GFPT1: variants seen among roughly 807,000 people sequenced by gnomAD.
The protein encoded by GFPT1 is glutamine--fructose-6-phosphate aminotransferase [isomerizing] 1.
In GFPT1, 40 loss-of-function variants were observed where a neutral mutation model predicts 92.0. The ratio of observed to expected loss-of-function variants is 0.43; its 90% CI spans 0.34 to 0.57. The LOEUF is 0.57. Ranked by LOEUF, GFPT1 falls within the 20% of genes least tolerant of loss-of-function variation. The pLI, the probability that GFPT1 is intolerant of heterozygous loss-of-function variation, is 0.02. For synonymous variants in GFPT1, 269 were observed against 280.6 expected (o/e 0.96, Z 0.41); for missense variants, 448 against 869.1 (o/e 0.52, Z 6.09).
rs1574041801 is a variant in GFPT1 at position 69,329,403 on chromosome 2, C to T, written c.1619G>A (p.Ser540Asn). The change falls in exon 17 of 20, where the codon AGC becomes AAC. Residue 540 changes from serine (S) to asparagine (N), a missense_variant. By Grantham distance (46) the Ser-to-Asn change is conservative. This residue lies in a region of GFPT1 where 73 missense variants were observed against 103.5 expected (regional missense o/e 0.71). Transcript: ENST00000357308. Reference protein sequence around the residue: ...RLPDLIKEVLSMDDEIQKLAT... With the variant: ...RLPDLIKEVLNMDDEIQKLAT... The stretch of plus-strand genomic sequence containing the variant: ...TAGTTTCTGAATTTCGTCATCCATG[C>T]TCAGTACTTCCTTAATCAAATCTAA... The T allele has an allele frequency of 6.2e-7, 1 of 1,608,868 alleles. No homozygotes were observed. Among genetic ancestry groups the T allele is most frequent in the Non-Finnish European group, 8.5e-7 (1 of 1,175,332 alleles).
intron 3 of GFPT1, among the ~76,000 whole-genome samples, chr2:69,364,417 A>T (rs1427407067): frequency 1.3e-5 from 2 of 152,226 alleles, no homozygotes; most frequent in African/African-American, 4.8e-5. Context: ...TCAAGAGTTA[A>T]GGACAAAAAC....
rs776244383 is a variant in GFPT1, at chr2:69,359,318, C to T, written c.358G>A (p.Val120Ile). The change falls in exon 5 of 20, where the codon GTT (valine) becomes ATT (isoleucine). Residue 120 changes from valine to isoleucine, a missense_variant. By Grantham distance (29) the Val-to-Ile change is conservative. Coordinates refer to ENST00000357308, the MANE Select transcript of GFPT1 (RefSeq NM_001244710.2). ...QRSDKNNEFIVIHNGIITNYK... is the reference protein window; with the variant it reads ...QRSDKNNEFIIIHNGIITNYK... Reference sequence around the variant, plus strand: ...TTGGTGATGATTCCATTGTGAATAACGATAAATTCTAAAAGAGGTAAAAGT... The same window carrying T: ...TTGGTGATGATTCCATTGTGAATAATGATAAATTCTAAAAGAGGTAAAAGT... The T allele has an allele frequency of 1.1e-5, 18 of 1,567,772 alleles. No homozygotes were observed. Among genetic ancestry groups the T allele is most frequent in the East Asian group, 6.7e-5 (3 of 44,636 alleles).
intron 1 of GFPT1, among the ~76,000 whole-genome samples, chr2:69,375,396 A>T (rs1671847187): frequency 6.6e-6 from 1 of 152,238 alleles, no homozygotes; most frequent in Admixed American, 6.5e-5. Flanking sequence ...GTGTGATCCT[A>T]CTGAAATATT....
At position 69,370,089 on chromosome 2, in the gene GFPT1, G is replaced by A. The variant is rs768764622; in HGVS notation, c.135C>T (p.Gly45=). The A allele has an allele frequency of 6.2e-7, 1 of 1,607,106 alleles. No individual in the cohort carries two copies. The highest frequency in any genetic ancestry group is 1.7e-5 in the Admixed American group (1 of 59,980). ...YDSAGVGFDG[G]NDKDWEANAC... ...CATTGGCTTCCCAATCTTTATCATT[G>A]CCTCCATCAAATCCCACACCTAAAC... The change falls in exon 3 of 20, where the codon GGC becomes GGT. Residue 45 remains glycine (G), a synonymous_variant. Transcript: ENST00000357308.
At position 69,354,580 on chromosome 2, in the gene GFPT1, A is replaced by C; in HGVS notation, c.606-12T>G. The C allele has an allele frequency of 6.4e-7, 1 of 1,558,470 alleles. No individual in the cohort carries two copies. The highest frequency in any genetic ancestry group is 2.2e-5 in the East Asian group (1 of 44,614). ...GAGGGCTACCTCGCCTGTAAATTGC[A>C]AAAGCAGTTAGAATTAAACCATTTT... On this transcript the variant is annotated splice_polypyrimidine_tract_variant and intron_variant, in intron 7 of 19. Coordinates refer to ENST00000357308, the MANE Select transcript of GFPT1 (RefSeq NM_001244710.2).
intron 1 of GFPT1, among the ~76,000 whole-genome samples, chr2:69,385,753 C>T (rs1310737943): frequency 6.6e-6 from 1 of 152,090 alleles, no homozygotes; most frequent in East Asian, 1.9e-4. Context: ...ACTAAGTAGA[C>T]ACTGCAAAAG....
At position 69,337,060 on chromosome 2, in the gene GFPT1, ATTTTT is replaced by A. The variant is rs376497924; in HGVS notation, c.1482+833_1482+837del. On this transcript the variant is annotated intron_variant, in intron 15 of 19. Coordinates refer to ENST00000357308, the MANE Select transcript of GFPT1 (RefSeq NM_001244710.2). ...ATTTTTTTTAATTGCCAAATTTTAA[ATTTTT>A]TTTTTTTTTTTTTTTTTTAGATGGA... Among the ~76,000 whole-genome samples, 9 of 118,508 alleles carry A rather than the reference ATTTTT, an allele frequency of 7.6e-5. No homozygotes were observed. In the South Asian group the frequency reaches 1.9e-3, roughly 25 times the overall value. 77.7% of individuals were successfully genotyped at this position (118,508 alleles called of 152,430 possible).
Position 69,327,643 on chromosome 2 carries a change from TATATTTAAAA to T in GFPT1, c.1894-578_1894-569del, listed in dbSNP as rs1670562811. Among the ~76,000 whole-genome samples the T allele has an allele frequency of 1.3e-5, 2 of 152,084 alleles. 1 individual carries two copies. Among genetic ancestry groups the T allele is most frequent in the African/African-American group, 4.8e-5 (2 of 41,424 alleles). Reference sequence around the variant, plus strand: ...TGTGCCACTGCAACCAGCTGAAATATATATTTAAAAATATTTTAAAATACATTTTTAAATG... The same window carrying T: ...TGTGCCACTGCAACCAGCTGAAATATATATTTTAAAATACATTTTTAAATG... On this transcript the variant is annotated intron_variant, in intron 18 of 19. Coordinates refer to ENST00000357308, the MANE Select transcript of GFPT1 (RefSeq NM_001244710.2).
intron 18 of GFPT1, 117 bp downstream of exon 18, chr2:69,328,154 G>A: frequency 3.7e-6 from 3 of 808,062 alleles, no homozygotes; most frequent in South Asian, 2.7e-5. Context: ...AACCTCAAAG[G>A]CTGTATTCCA....
Position 69,350,147 on chromosome 2 carries a change from A to G in GFPT1, c.776T>C (p.Val259Ala). ...DKKGSCNLSR[V>A]DSTTCLFPVE... ...CGGGAAAAGGCAGGTTGTGCTGTCCACACGAGAGAGATTGCAGCTTCCTTT... is the reference window on the plus strand; with the variant it reads ...CGGGAAAAGGCAGGTTGTGCTGTCCGCACGAGAGAGATTGCAGCTTCCTTT... The change falls in exon 10 of 20, where the codon GTG (valine) becomes GCG (alanine). Residue 259 changes from valine (V) to alanine (A), a missense_variant. Physicochemically the swap from Val to Ala is moderately conservative, Grantham distance 64. This residue lies in a region of GFPT1 where 118 missense variants were observed against 192.9 expected (regional missense o/e 0.61). Coordinates refer to ENST00000357308, the MANE Select transcript of GFPT1 (RefSeq NM_001244710.2). 1 of 1,613,992 alleles carries G rather than the reference A, an allele frequency of 6.2e-7. No individual in the cohort carries two copies. Among genetic ancestry groups the G allele is most frequent in the Non-Finnish European group, 8.5e-7 (1 of 1,179,876 alleles).
intron 13 of GFPT1, among the ~76,000 whole-genome samples, chr2:69,339,096 A>G (rs909215080): frequency 2.0e-5 from 3 of 152,176 alleles, no homozygotes; most frequent in Non-Finnish European, 2.9e-5. Context: ...ATACATTCTT[A>G]TAAGGAAACA....
intron 2 of GFPT1, among the ~76,000 whole-genome samples, chr2:69,371,998 G>A (rs1189527464): frequency 2.7e-5 from 4 of 148,566 alleles, no homozygotes; most frequent in Non-Finnish European, 4.5e-5. Context: ...TCAGGAGATC[G>A]AGACCATCCT....
intron 9 of GFPT1, among the ~76,000 whole-genome samples, chr2:69,354,010 T>G (rs895872160): frequency 6.6e-6 from 1 of 152,186 alleles, no homozygotes; most frequent in Non-Finnish European, 1.5e-5. Context: ...AAAAAATAAT[T>G]TACAATTTCA....
At chr2:69,384,554 AT>A (rs1672082521) in intron 1 of GFPT1, among the ~76,000 whole-genome samples, 1 of 151,966 alleles carries the variant, frequency 6.6e-6, no homozygotes, top group African/African-American at 2.4e-5. Flanking sequence ...TCTACCAAAA[AT>A]GCAAAAATTA....
In GFPT1 at chr2:69,326,020, G is replaced by A. The variant is rs6729690; in HGVS notation, c.*169C>T. ...ACAAATTACTGGGAAAATGTAAGAG[G>A]TAACTTCACAAAAATCACATATTGA... On this transcript the variant is annotated 3_prime_UTR_variant, in exon 20 of 20. Transcript: ENST00000357308. 5.8e-3 allele frequency: 3,312 copies of A among 574,858 alleles called. 14 individuals carry two copies. The highest frequency in any genetic ancestry group is 7.9e-3 in the Non-Finnish European group (2,556 of 325,280). The allele number at this position is 574,858 out of a possible 1,614,324, so 35.6% of individuals were successfully genotyped here. A position where few individuals can be genotyped will look rare whatever the true frequency, so the allele number is the denominator to read the frequency against.
In GFPT1 at chr2:69,324,053, C is replaced by T. The variant is rs1330229787; in HGVS notation, c.*2136G>A. 3 of 152,252 alleles carry T rather than the reference C, an allele frequency of 2.0e-5. No homozygotes were observed. The highest frequency in any genetic ancestry group is 7.2e-5 in the African/African-American group (3 of 41,434). The allele number at this position is 152,252 out of a possible 1,614,324, so 9.4% of individuals were successfully genotyped here. A position where few individuals can be genotyped will look rare whatever the true frequency, so the allele number is the denominator to read the frequency against. On this transcript the variant is annotated 3_prime_UTR_variant, in exon 20 of 20. Coordinates refer to ENST00000357308, the MANE Select transcript of GFPT1 (RefSeq NM_001244710.2). Reference sequence around the variant, plus strand: ...CTCTTGAGCTCAAGCAATACTCCCACCTCAGACTCCCAAAGTGGAGGCTGG... The same window carrying T: ...CTCTTGAGCTCAAGCAATACTCCCATCTCAGACTCCCAAAGTGGAGGCTGG...
At chr2:69,356,432 C>A (rs1671339738) in intron 7 of GFPT1, 64 bp downstream of exon 7, 2 of 1,131,076 alleles carry the variant, frequency 1.8e-6, no homozygotes, top group African/African-American at 1.5e-5. Context: ...GTATAGTCTA[C>A]GAAGAATAAA....
chr2:69,362,222 A>AGG (rs1285159870), intron 4 of GFPT1, among the ~76,000 whole-genome samples: 1 of 152,012 alleles, frequency 6.6e-6, no homozygotes, highest in African/African-American at 2.4e-5. Context: ...CTCAACCCCC[A>AGG]GGTTCAGGTG....
chr2:69,329,429 G>A lies in GFPT1; in HGVS notation c.1598-5C>T, dbSNP rs748509856. 6.3e-7 allele frequency: 1 copy of A among 1,598,624 alleles called. No individual in the cohort carries two copies. The stretch of plus-strand genomic sequence containing the variant: ...TCAGTACTTCCTTAATCAAATCTAA[G>A]AAGTAATATTAGCAAAAAAGGACAA... On this transcript the variant is annotated splice_region_variant and splice_polypyrimidine_tract_variant and intron_variant, in intron 16 of 19. Transcript: ENST00000357308.
Sources: allele counts gnomAD v4.1 joint callset (sites outside exome capture counted in the v4.1 genomes callset), GRCh38; gene constraint gnomAD v4.1.1; regional missense constraint gnomAD v4.1.1; transcripts MANE v1.5; gene names NCBI Gene and HGNC (gene_info 2026-07-23, HGNC 2026-07-21).